The following PDE4A variants were observed in gnomAD, a reference collection of about 807,000 sequenced individuals.
PDE4A encodes phosphodiesterase 4A, also known as 3',5'-cyclic-AMP phosphodiesterase 4A.
A neutral mutation model predicts 73.9 loss-of-function variants in PDE4A; 21 were observed. The observed-to-expected ratio is 0.28, with a 90% CI of 0.20 to 0.41. PDE4A has a LOEUF of 0.41. PDE4A is among the 10% of genes least tolerant of loss of function. The pLI, the probability that PDE4A is intolerant of heterozygous loss-of-function variation, is 1.00. For missense variants in PDE4A, 958 were observed against 1,211.4 expected, an observed-to-expected ratio of 0.79 and a Z score of 3.10; for synonymous variants, 463 against 505.4, an observed-to-expected ratio of 0.92 and a Z score of 1.13.
At chr19:10,421,350 G>T (rs1568362784) in intron 1 of PDE4A, 2 of 984,770 alleles carry the variant, frequency 2.0e-6, no homozygotes, top group East Asian at 1.1e-4. Flanking sequence ...GGGGAAGGGG[G>T]CTGCACACTT....
intron 8 of PDE4A, 174 bp from the exon 9 acceptor site, chr19:10,459,226 G>T (rs906661124): frequency 1.8e-6 from 2 of 1,125,010 alleles, no homozygotes; most frequent in Admixed American, 2.8e-5. Context: ...GATTGCTTTC[G>T]CTATTTTGCA....
chr19:10,453,382 C>T lies in PDE4A; in HGVS notation c.784-1447C>T, dbSNP rs141342588. ...CGGGCATCCTGGTGAGCTGGGCCCCCGGTGTGGGCTTGTGTGTGCAGCTGT... is the reference window on the plus strand; with the variant it reads ...CGGGCATCCTGGTGAGCTGGGCCCCTGGTGTGGGCTTGTGTGTGCAGCTGT... On this transcript the variant is annotated intron_variant, in intron 6 of 14. Coordinates refer to ENST00000380702, the MANE Select transcript of PDE4A (RefSeq NM_001111307.2). This position sits in a 1 kb window ranked among gnomAD's most constrained non-coding sequence, Gnocchi z 4.6. 3.5e-3 allele frequency: 5,575 copies of T among 1,577,966 alleles called. 94 individuals are homozygous for T. In the East Asian group the frequency reaches 0.042, roughly 12 times the overall value.
At chr19:10,438,333 G>A (rs1209062727) in intron 1 of PDE4A, among the ~76,000 whole-genome samples, 2 of 151,354 alleles carry the variant, frequency 1.3e-5, no homozygotes, top group South Asian at 2.1e-4. Flanking sequence ...GGATGGTCTC[G>A]CTCTCCTGAC....
chr19:10,452,611 C>T (rs944704037), intron 6 of PDE4A, among the ~76,000 whole-genome samples: 2 of 146,294 alleles, frequency 1.4e-5, no homozygotes, highest in Admixed American at 1.3e-4. Context: ...TGACTGTCTC[C>T]GGGTGTGTGT....
chr19:10,418,234 G>A (rs1168978382), upstream of PDE4A, among the ~76,000 whole-genome samples: 1 of 152,184 alleles, frequency 6.6e-6, no homozygotes, highest in Non-Finnish European at 1.5e-5. Context: ...TGAAGGGGAT[G>A]GTGGAGTCTT....
At chr19:10,446,623 C>T (rs1353410248) in intron 2 of PDE4A, among the ~76,000 whole-genome samples, 1 of 149,690 alleles carries the variant, frequency 6.7e-6, no homozygotes, top group Non-Finnish European at 1.5e-5. Context: ...GAGACGGAGT[C>T]TCGCTCTGTC....
At chr19:10,444,119 G>A (rs544986150) in intron 1 of PDE4A, among the ~76,000 whole-genome samples, 4 of 151,880 alleles carry the variant, frequency 2.6e-5, no homozygotes, top group African/African-American at 7.3e-5. Flanking sequence ...GGTGGCTCAC[G>A]CCTGTAATCA....
Position 10,453,451 on chromosome 19 carries a change from G to T in PDE4A, c.784-1378G>T. On this transcript the variant is annotated intron_variant, in intron 6 of 14. Coordinates refer to ENST00000380702, the MANE Select transcript of PDE4A (RefSeq NM_001111307.2). The surrounding 1 kb of genome is among the most constrained non-coding windows in gnomAD (Gnocchi z 4.6). ...GATGAAGCCTTGTGACTGTCTCTGT[G>T]TGTGGCCCAGGGCTGGGCGTGGATG... 8.0e-7 allele frequency: 1 copy of T among 1,249,990 alleles called. No individual in the cohort carries two copies. Among genetic ancestry groups the T allele is most frequent in the Non-Finnish European group, 1.1e-6 (1 of 925,634 alleles). The allele number at this position is 1,249,990 out of a possible 1,614,324, so 77.4% of individuals were successfully genotyped here. A position where few individuals can be genotyped will look rare whatever the true frequency, so the allele number is the denominator to read the frequency against.
intron 13 of PDE4A, among the ~76,000 whole-genome samples, chr19:10,462,999 GC>G (rs2043299182): frequency 6.6e-6 from 1 of 152,180 alleles, no homozygotes. Context: ...TTTGAGACCA[GC>G]CAGAGCAACA....
intron 1 of PDE4A, among the ~76,000 whole-genome samples, chr19:10,444,125 A>T (rs940313913): frequency 6.6e-6 from 1 of 152,140 alleles, no homozygotes; most frequent in Non-Finnish European, 1.5e-5. Flanking sequence ...TCACGCCTGT[A>T]ATCACAGCAC....
At chr19:10,421,976 C>G (rs115702202) in intron 1 of PDE4A, among the ~76,000 whole-genome samples, 1,920 of 152,254 alleles carry the variant, frequency 0.013, 17 homozygotes, top group Non-Finnish European at 0.021. Flanking sequence ...GTAATTGTGA[C>G]AGTGTGACTG....
chr19:10,436,197 G>A (rs963673971), intron 1 of PDE4A, among the ~76,000 whole-genome samples: 7 of 152,168 alleles, frequency 4.6e-5, no homozygotes, highest in Non-Finnish European at 7.3e-5. Context: ...TTAGGAGACA[G>A]GACACAGTTC....
At chr19:10,459,248 C>T (rs373333549) in intron 8 of PDE4A, 152 bp from the exon 9 acceptor site, 33 of 1,345,030 alleles carry the variant, frequency 2.5e-5, no homozygotes, top group East Asian at 1.0e-4. Context: ...CCCAGTAGGA[C>T]GAGGGCAGTA....
intron 1 of PDE4A, among the ~76,000 whole-genome samples, chr19:10,433,845 G>A (rs1014371568): frequency 7.9e-5 from 12 of 152,238 alleles, no homozygotes; most frequent in Admixed American, 3.3e-4. Flanking sequence ...GGAAAAGCAC[G>A]GGGAGCCGGG....
upstream of PDE4A, chr19:10,417,550 A>T (rs2042599687): frequency 1.4e-6 from 2 of 1,448,536 alleles, no homozygotes; most frequent in Non-Finnish European, 1.8e-6. Context: ...AGGGGAGCCT[A>T]TACCGCCATT....
rs896204536 is a variant in PDE4A at position 10,421,051 on chromosome 19, G to C, written c.287G>C (p.Gly96Ala). 5.3e-5 allele frequency: 73 copies of C among 1,388,858 alleles called. No homozygotes were observed. In the Middle Eastern group the frequency reaches 6.8e-4, roughly 13 times the overall value. 86.0% of individuals were successfully genotyped at this position (1,388,858 alleles called of 1,614,324 possible). Residue 96 changes from glycine to alanine, a missense_variant, in exon 1 of 15, where the codon GGC becomes GCC. Transcript: ENST00000380702. Reference sequence around the variant, plus strand: ...TCGTCCTTCCATGGCACTGGCACCGGCAGCGGCGGCGCGGGCGGAGGCAGC... The same window carrying C: ...TCGTCCTTCCATGGCACTGGCACCGCCAGCGGCGGCGCGGGCGGAGGCAGC... ...WPSSFHGTGTGSGGAGGGSSR... is the reference protein window; with the variant it reads ...WPSSFHGTGTASGGAGGGSSR...
upstream of PDE4A, chr19:10,419,231 G>GA (rs1470273914): frequency 4.8e-6 from 1 of 206,224 alleles, no homozygotes; most frequent in Non-Finnish European, 8.3e-6. Flanking sequence ...CGGCGTGGGG[G>GA]GGGGGGGCGG....
In PDE4A at chr19:10,420,688, G is replaced by T. The variant is rs112273932; in HGVS notation, c.-77G>T. On this transcript the variant is annotated 5_prime_UTR_variant, in exon 1 of 15. Coordinates refer to ENST00000380702, the MANE Select transcript of PDE4A (RefSeq NM_001111307.2). The surrounding 1 kb of genome is among the most constrained non-coding windows in gnomAD (Gnocchi z 6.0). The stretch of plus-strand genomic sequence containing the variant: ...GGCGCACCCGCGGGGCCCTGGGCTC[G>T]CTGGCTTGCGCGCAGCTGAGCGGGG... 171,901 of 1,383,868 alleles carry T rather than the reference G, an allele frequency of 0.12. 11,293 individuals carry two copies. Among genetic ancestry groups the T allele is most frequent in the South Asian group, 0.2 (12,320 of 61,070 alleles). The allele number at this position is 1,383,868 out of a possible 1,614,324, so 85.7% of individuals were successfully genotyped here. A position where few individuals can be genotyped will look rare whatever the true frequency, so the allele number is the denominator to read the frequency against.
rs201184288 is a variant in PDE4A, at chr19:10,460,985, T to A, written c.1366-19T>A. ...TGGCTTCAACTCTGTTATTCTAACA[T>A]CCGTGTCTCTGCTCCCAGGCAGTGT... On this transcript the variant is annotated intron_variant, in intron 10 of 14. Coordinates refer to ENST00000380702, the MANE Select transcript of PDE4A (RefSeq NM_001111307.2). The A allele has an allele frequency of 6.2e-7, 1 of 1,606,898 alleles. No individual in the cohort carries two copies. Among genetic ancestry groups the A allele is most frequent in the Non-Finnish European group, 8.5e-7 (1 of 1,174,630 alleles).
Sources: gnomAD v4.1 joint callset for allele counts (sites outside exome capture counted in the v4.1 genomes callset) on GRCh38, gnomAD v4.1.1 for gene constraint, Gnocchi (gnomAD v3.1) non-coding constraint, MANE v1.5 for transcripts, NCBI Gene and HGNC (gene_info 2026-07-23, HGNC 2026-07-21) for gene names.